The following LPP variants were observed in gnomAD, a reference collection of about 807,000 sequenced individuals.
LPP encodes the protein LIM domain containing preferred translocation partner in lipoma.
Under a neutral mutation model 60.4 loss-of-function variants are expected in LPP, and 38 were observed. The ratio of observed to expected loss-of-function variants is 0.63; its 90% CI spans 0.49 to 0.83. LPP has a LOEUF of 0.83. Among genes scored for constraint, LPP ranks in the 40% least tolerant of loss-of-function variants. The pLI, the probability that LPP is intolerant of heterozygous loss-of-function variation, is 0.00. For synonymous variants in LPP, 328 were observed against 290.8 expected (o/e 1.13, Z -1.30); for missense variants, 902 against 783.6 (o/e 1.15, Z -1.80).
intron 9 of LPP, among the ~76,000 whole-genome samples, chr3:188,864,690 A>T (rs73888956): frequency 0.02 from 2,981 of 152,352 alleles, 81 homozygotes; most frequent in African/African-American, 0.068. Context: ...AAGGCACAGA[A>T]GTATGGGAGT....
intron 1 of LPP, among the ~76,000 whole-genome samples, chr3:188,203,665 G>A (rs1732328999): frequency 7.3e-6 from 1 of 136,102 alleles, no homozygotes; most frequent in Non-Finnish European, 1.5e-5. Flanking sequence ...CTTTTTTGTA[G>A]AGAGAAGATC....
At chr3:188,190,958 G>A (rs773835422) in intron 1 of LPP, among the ~76,000 whole-genome samples, 10 of 152,210 alleles carry the variant, frequency 6.6e-5, no homozygotes, top group South Asian at 4.1e-4. Context: ...GGGGCCAGGC[G>A]TGGTGGCTCA....
rs112597224 is a variant in LPP at position 188,501,145 on chromosome 3, T to G, written c.306+16441T>G. ...AGTTTCACAATCTGTAGATTTAGGT[T>G]GTTGGTTTGACGTCTTTCTTATCTT... On this transcript the variant is annotated intron_variant, in intron 5 of 11. Transcript: ENST00000617246. Among the ~76,000 whole-genome samples the G allele has an allele frequency of 2.9e-4, 44 of 152,292 alleles. 1 individual carries two copies. Among genetic ancestry groups the G allele is most frequent in the African/African-American group, 1.1e-3 (44 of 41,576 alleles).
intron 8 of LPP, among the ~76,000 whole-genome samples, chr3:188,715,303 A>C (rs1577161890): frequency 7.2e-6 from 1 of 138,764 alleles, no homozygotes; most frequent in South Asian, 2.5e-4. Context: ...ACTTGAACCC[A>C]GGAGGCGGAG....
At chr3:188,512,494 A>G (rs1816015973) in intron 5 of LPP, among the ~76,000 whole-genome samples, 1 of 151,132 alleles carries the variant, frequency 6.6e-6, no homozygotes, top group South Asian at 2.1e-4. Context: ...GGAGGTTTCA[A>G]TGAGCCAAGG....
intron 1 of LPP, among the ~76,000 whole-genome samples, chr3:188,186,415 A>G (rs1476421384): frequency 1.3e-5 from 2 of 152,130 alleles, no homozygotes; most frequent in African/African-American, 2.4e-5. Context: ...AGAAGTTCTT[A>G]AAAGAGGGCT....
intron 3 of LPP, among the ~76,000 whole-genome samples, chr3:188,362,164 C>T (rs187784262): frequency 1.6e-3 from 251 of 152,210 alleles, no homozygotes; most frequent in Middle Eastern, 3.4e-3. Context: ...CTTTTGAAGA[C>T]TAAAAGGATG....
chr3:188,504,008 T>C (rs1402418667), intron 5 of LPP, among the ~76,000 whole-genome samples: 3 of 152,232 alleles, frequency 2.0e-5, no homozygotes, highest in Non-Finnish European at 4.4e-5. Context: ...TTTTGGTGAT[T>C]ATTTCTTCAA....
At chr3:188,821,565 G>A (rs1225686380) in intron 9 of LPP, among the ~76,000 whole-genome samples, 5 of 151,512 alleles carry the variant, frequency 3.3e-5, no homozygotes, top group African/African-American at 1.2e-4. Flanking sequence ...TTTTTCTTTT[G>A]CTTTTTCCTT....
At chr3:188,722,336 T>G (rs1351364347) in intron 8 of LPP, among the ~76,000 whole-genome samples, 1 of 152,194 alleles carries the variant, frequency 6.6e-6, no homozygotes, top group African/African-American at 2.4e-5. Context: ...TAATGGTAAC[T>G]GGCATATGTG....
chr3:188,684,944 AT>A (rs1175166803), intron 7 of LPP, among the ~76,000 whole-genome samples: 1 of 152,240 alleles, frequency 6.6e-6, no homozygotes, highest in Non-Finnish European at 1.5e-5. Context: ...CTAGTCAGTA[AT>A]TGGTGCCTCA....
At chr3:188,432,793 G>C (rs1001228167) in intron 4 of LPP, among the ~76,000 whole-genome samples, 2 of 152,254 alleles carry the variant, frequency 1.3e-5, no homozygotes, top group African/African-American at 4.8e-5. Flanking sequence ...ACCTTTAAAA[G>C]GAGCTTGTAA....
At chr3:188,829,289 C>T (rs1210697589) in intron 9 of LPP, among the ~76,000 whole-genome samples, 2 of 152,142 alleles carry the variant, frequency 1.3e-5, no homozygotes, top group Non-Finnish European at 2.9e-5. Flanking sequence ...ACTAATGGTC[C>T]TTGTCTCAAT....
At chr3:188,295,674 A>C (rs1290652766) in intron 2 of LPP, among the ~76,000 whole-genome samples, 1 of 152,064 alleles carries the variant, frequency 6.6e-6, no homozygotes, top group Non-Finnish European at 1.5e-5. Flanking sequence ...AGTAACCTGG[A>C]ACAACAGGCA....
At chr3:188,315,459 T>G (rs1754749169) in intron 2 of LPP, among the ~76,000 whole-genome samples, 1 of 152,142 alleles carries the variant, frequency 6.6e-6, no homozygotes, top group Admixed American at 6.5e-5. Context: ...TTGTTTGAAC[T>G]TGGCTCTTAA....
intron 1 of LPP, among the ~76,000 whole-genome samples, chr3:188,155,280 G>C (rs1342771976): frequency 6.6e-6 from 1 of 152,118 alleles, no homozygotes; most frequent in Non-Finnish European, 1.5e-5. Flanking sequence ...CAACTAGCGA[G>C]AACTCAGGGT....
chr3:188,359,035 G>A (rs1408692785), intron 3 of LPP, among the ~76,000 whole-genome samples: 2 of 152,112 alleles, frequency 1.3e-5, no homozygotes, highest in African/African-American at 4.8e-5. Context: ...CTGGTTTGTT[G>A]TTTTACTTTG....
intron 5 of LPP, among the ~76,000 whole-genome samples, chr3:188,513,966 C>T (rs997937079): frequency 7.2e-5 from 11 of 152,194 alleles, no homozygotes; most frequent in Middle Eastern, 3.4e-3. Flanking sequence ...AAATAGAAAA[C>T]GACCTGGAAG....
chr3:188,695,470 G>A (rs1418139713), intron 7 of LPP, among the ~76,000 whole-genome samples: 1 of 152,108 alleles, frequency 6.6e-6, no homozygotes, highest in South Asian at 2.1e-4. Flanking sequence ...GCTCATATTT[G>A]ACAGACTGTG....
Sources: allele counts gnomAD v4.1 joint callset (sites outside exome capture counted in the v4.1 genomes callset), GRCh38; gene constraint gnomAD v4.1.1; transcripts MANE v1.5; gene names NCBI Gene and HGNC (gene_info 2026-07-23, HGNC 2026-07-21).